Variants in PDE1A observed in about 807,000 individuals in gnomAD.
The protein encoded by PDE1A is phosphodiesterase 1A.
Under a neutral mutation model 61.7 loss-of-function variants are expected in PDE1A, and 35 were observed. The observed-to-expected ratio is 0.57, with a 90% CI of 0.43 to 0.75. The LOEUF (loss-of-function observed/expected upper bound fraction) is 0.75, where lower values mean the gene tolerates loss of function less well. Among genes scored for constraint, PDE1A ranks in the 30% least tolerant of loss-of-function variants. The pLI, the probability that PDE1A is intolerant of heterozygous loss-of-function variation, is 0.00. For synonymous variants in PDE1A, 232 were observed against 213.2 expected, an observed-to-expected ratio of 1.09 and a Z score of -0.77; for missense variants, 597 against 630.6, an observed-to-expected ratio of 0.95 and a Z score of 0.57.
At chr2:182,272,467 G>A (rs1022424178) in intron 1 of PDE1A, among the ~76,000 whole-genome samples, 3 of 152,150 alleles carry the variant, frequency 2.0e-5, no homozygotes, top group Non-Finnish European at 4.4e-5. Flanking sequence ...CTAGTTTGAG[G>A]AAAGAATAAA....
intron 2 of PDE1A, among the ~76,000 whole-genome samples, chr2:182,253,086 T>C (rs1016118653): frequency 6.6e-6 from 1 of 152,190 alleles, no homozygotes; most frequent in Non-Finnish European, 1.5e-5. Flanking sequence ...CCTCATTTCA[T>C]GGGAAACTAG....
chr2:182,631,210 C>T, the PDE1A span, among the ~76,000 whole-genome samples: 1 of 151,918 alleles, frequency 6.6e-6, no homozygotes, highest in Non-Finnish European at 1.5e-5. Flanking sequence ...ACCAGGTGTA[C>T]TAAGGGCAGA....
the PDE1A span, among the ~76,000 whole-genome samples, chr2:182,609,691 G>A: frequency 8.5e-5 from 13 of 152,206 alleles, no homozygotes; most frequent in African/African-American, 1.9e-4. Context: ...AACACTCACC[G>A]CGAGGGTTCG....
intron 2 of PDE1A, among the ~76,000 whole-genome samples, chr2:182,513,506 C>A (rs1209842457): frequency 6.6e-6 from 1 of 152,206 alleles, no homozygotes; most frequent in Non-Finnish European, 1.5e-5. Flanking sequence ...CACTTAAGTA[C>A]ATAGACCATT....
At position 182,289,984 on chromosome 2, in the gene PDE1A, G is replaced by A. The variant is rs141502948; in HGVS notation, c.54-25570C>T. Among the ~76,000 whole-genome samples, 418 of 151,796 alleles carry A rather than the reference G, an allele frequency of 2.8e-3. 2 individuals carry two copies. Among genetic ancestry groups the A allele is most frequent in the African/African-American group, 9.4e-3 (389 of 41,388 alleles). On this transcript the variant is annotated intron_variant, in intron 1 of 13. Coordinates refer to ENST00000351439, the Ensembl canonical transcript of PDE1A. ...AGGTTTCCAAACAAATTTGTTAAAG[G>A]TTACATTAAATTATCCTAATAAAAA... is the stretch of plus-strand genomic sequence containing the variant.
the PDE1A span, among the ~76,000 whole-genome samples, chr2:182,552,948 C>G: frequency 6.6e-6 from 1 of 152,200 alleles, no homozygotes; most frequent in African/African-American, 2.4e-5. Flanking sequence ...TGCTGACTCC[C>G]ATCCCTCCAG....
At chr2:182,469,653 T>G (rs923534381) in intron 2 of PDE1A, among the ~76,000 whole-genome samples, 2 of 151,986 alleles carry the variant, frequency 1.3e-5, no homozygotes, top group Non-Finnish European at 2.9e-5. Flanking sequence ...GGCTTACTCT[T>G]TGGTGCAAGA....
At chr2:182,600,321 G>C in the PDE1A span, among the ~76,000 whole-genome samples, 1 of 152,144 alleles carries the variant, frequency 6.6e-6, no homozygotes, top group East Asian at 1.9e-4. Flanking sequence ...GAGCCATAGA[G>C]AGTACTCAAC....
chr2:182,543,705 AAG>A, the PDE1A span, among the ~76,000 whole-genome samples: 1 of 152,176 alleles, frequency 6.6e-6, no homozygotes, highest in African/African-American at 2.4e-5. Flanking sequence ...ATTAAAAAAA[AAG>A]ATGTCTCAAT....
At chr2:182,613,124 ATC>A in the PDE1A span, among the ~76,000 whole-genome samples, 1 of 152,202 alleles carries the variant, frequency 6.6e-6, no homozygotes, top group African/African-American at 2.4e-5. Flanking sequence ...AAGCATTTTT[ATC>A]TCTGTTATCA....
At chr2:182,638,719 GCA>G in the PDE1A span, among the ~76,000 whole-genome samples, 23 of 152,292 alleles carry the variant, frequency 1.5e-4, 1 homozygote, top group Admixed American at 1.3e-3. Flanking sequence ...TGACAAAGTT[GCA>G]CAGGAAGATT....
intron 2 of PDE1A, among the ~76,000 whole-genome samples, chr2:182,468,503 TCAC>T (rs539394872): frequency 5.1e-4 from 78 of 152,102 alleles, no homozygotes; most frequent in Admixed American, 9.8e-4. Flanking sequence ...CTTGCTATTT[TCAC>T]CACATCTGCA....
At chr2:182,211,977 C>T (rs1687641120) in intron 7 of PDE1A, among the ~76,000 whole-genome samples, 1 of 151,946 alleles carries the variant, frequency 6.6e-6, no homozygotes, top group Non-Finnish European at 1.5e-5. Flanking sequence ...TCCCAAGATT[C>T]ATGGGAAGAG....
rs545231224 is a variant in PDE1A at position 182,513,990 on chromosome 2, A to G, written c.101+8286T>C. On this transcript the variant is annotated intron_variant, in intron 2 of 14. Coordinates refer to the PDE1A transcript ENST00000410103. The stretch of plus-strand genomic sequence containing the variant: ...AAAAGACTTAGATAACCATACAATA[A>G]TAGTGTAAGACTGCAACACCCCACA... 5.3e-5 allele frequency among the ~76,000 whole-genome samples: 8 copies of G among 152,306 alleles called. 1 individual carries two copies. In the South Asian group the frequency reaches 1.5e-3, roughly 28 times the overall value.
chr2:182,171,386 G>T (rs1000760803), intron 13 of PDE1A, among the ~76,000 whole-genome samples: 1 of 151,898 alleles, frequency 6.6e-6, no homozygotes, highest in Non-Finnish European at 1.5e-5. Flanking sequence ...AACTATAGAC[G>T]TCATTTTAGG....
chr2:182,521,583 C>G (rs66769715), intron 2 of PDE1A, among the ~76,000 whole-genome samples: 10,004 of 152,080 alleles, frequency 0.066, 348 homozygotes, highest in Middle Eastern at 0.1. Context: ...AAATATCAAG[C>G]TGAATAGCAT....
At chr2:182,706,768 A>C in the PDE1A span, among the ~76,000 whole-genome samples, 1 of 152,340 alleles carries the variant, frequency 6.6e-6, no homozygotes, top group East Asian at 1.9e-4. Flanking sequence ...AAGCCTGGGC[A>C]TTCTGATTTC....
At chr2:182,186,688 G>A in intron 11 of PDE1A, 100 bp from the exon 12 acceptor site, 1 of 1,213,188 alleles carries the variant, frequency 8.2e-7, no homozygotes, top group Non-Finnish European at 1.2e-6. Flanking sequence ...ACAATCCTGG[G>A]ATAGCAAGAA....
chr2:182,671,964 C>T, the PDE1A span, among the ~76,000 whole-genome samples: 7 of 152,040 alleles, frequency 4.6e-5, no homozygotes, highest in East Asian at 3.9e-4. Context: ...CCATACACCC[C>T]GCAATACTCC....
Sources: gnomAD v4.1 joint callset for allele counts (sites outside exome capture counted in the v4.1 genomes callset) on GRCh38, gnomAD v4.1.1 for gene constraint, MANE v1.5 for transcripts, NCBI Gene and HGNC (gene_info 2026-07-23, HGNC 2026-07-21) for gene names.